SEPTIN14: variants seen among roughly 807,000 people sequenced by gnomAD.
SEPTIN14 encodes the protein septin-14.
In SEPTIN14, 40 loss-of-function variants were observed where a neutral mutation model predicts 53.6. The ratio of observed to expected loss-of-function variants is 0.75; its 90% CI spans 0.58 to 0.97. The LOEUF is 0.97. SEPTIN14 is among the 50% of genes least tolerant of loss of function. The pLI, the probability that SEPTIN14 is intolerant of heterozygous loss-of-function variation, is 0.00. For missense variants in SEPTIN14, 471 were observed against 508.2 expected (o/e 0.93, Z 0.70); for synonymous variants, 138 against 166.8 (o/e 0.83, Z 1.33).
intron 9 of SEPTIN14, chr7:55,798,614 C>T (rs1235124131): frequency 5.8e-5 from 21 of 361,756 alleles, no homozygotes; most frequent in Admixed American, 2.6e-4. Context: ...GGACCACATC[C>T]GGCAGCCCGT....
At chr7:55,798,231 G>C in intron 9 of SEPTIN14, 1 of 359,928 alleles carries the variant, frequency 2.8e-6, no homozygotes, top group Admixed American at 3.8e-5. Flanking sequence ...CTAGACAAAA[G>C]AACCTGCTGA....
intron 3 of SEPTIN14, among the ~76,000 whole-genome samples, chr7:55,846,088 T>TATATATATATATATATATATATATAC (rs1789402574): frequency 7.8e-6 from 1 of 127,804 alleles, no homozygotes; most frequent in Non-Finnish European, 1.7e-5. Flanking sequence ...TATATATATA[T>TATATATATATATATATATATATATAC]ATATGTATAC....
At chr7:55,811,496 C>CTTTTTTTTTT (rs1170803437) in intron 7 of SEPTIN14, 1 of 170,710 alleles carries the variant, frequency 5.9e-6, no homozygotes, top group Non-Finnish European at 1.1e-5. Flanking sequence ...TTTTACAGTT[C>CTTTTTTTTTT]TTTTTTTTTT....
chr7:55,857,665 G>T (rs924627851), intron 2 of SEPTIN14, among the ~76,000 whole-genome samples: 2 of 126,452 alleles, frequency 1.6e-5, no homozygotes, highest in African/African-American at 6.1e-5. Flanking sequence ...TCGGCTCACT[G>T]CAAGCTCCGC....
intron 2 of SEPTIN14, among the ~76,000 whole-genome samples, chr7:55,847,107 C>A (rs1789428793): frequency 6.6e-6 from 1 of 152,018 alleles, no homozygotes; most frequent in Non-Finnish European, 1.5e-5. Flanking sequence ...ACTCAGGAGG[C>A]TGAGGCAGGA....
At chr7:55,832,196 G>A (rs1789119536) in intron 6 of SEPTIN14, among the ~76,000 whole-genome samples, 1 of 120,002 alleles carries the variant, frequency 8.3e-6, no homozygotes, top group Non-Finnish European at 1.7e-5. Context: ...GCGAGACTCT[G>A]TCTCAAACAC....
chr7:55,856,286 T>C (rs1052547333), intron 2 of SEPTIN14, among the ~76,000 whole-genome samples: 1 of 152,184 alleles, frequency 6.6e-6, no homozygotes, highest in Non-Finnish European at 1.5e-5. Flanking sequence ...TTTCTGTTCA[T>C]GTATTAATTA....
chr7:55,835,255 T>A (rs529632458), intron 5 of SEPTIN14, among the ~76,000 whole-genome samples: 1 of 151,892 alleles, frequency 6.6e-6, no homozygotes, highest in South Asian at 2.1e-4. Flanking sequence ...GGCTCTGGAG[T>A]GCAGTAGCGC....
At chr7:55,859,151 C>CAA (rs1216195753) in intron 2 of SEPTIN14, among the ~76,000 whole-genome samples, 2 of 119,130 alleles carry the variant, frequency 1.7e-5, no homozygotes, top group Non-Finnish European at 1.8e-5. Flanking sequence ...AACTCCATCT[C>CAA]AAAAAAAAAA....
intron 7 of SEPTIN14, among the ~76,000 whole-genome samples, chr7:55,812,972 T>C (rs1439795656): frequency 6.6e-6 from 1 of 151,546 alleles, no homozygotes; most frequent in Non-Finnish European, 1.5e-5. Flanking sequence ...TTTTTTTAGA[T>C]GGAGTCTCGC....
chr7:55,826,955 C>T (rs188669884), intron 6 of SEPTIN14, among the ~76,000 whole-genome samples: 1 of 152,300 alleles, frequency 6.6e-6, no homozygotes, highest in Non-Finnish European at 1.5e-5. Context: ...ATTCTTCCTG[C>T]CCCTGCCTAA....
chr7:55,795,872 G>A lies in SEPTIN14; in HGVS notation c.*41C>T, dbSNP rs186958370. ...CAAAGACAATCTCACAGGAAGTTGCGATGTAGAATGATAGGGCTCTCAGAA... is the reference window on the plus strand; with the variant it reads ...CAAAGACAATCTCACAGGAAGTTGCAATGTAGAATGATAGGGCTCTCAGAA... On this transcript the variant is annotated 3_prime_UTR_variant, in exon 10 of 10. Transcript: ENST00000388975. 765 of 1,356,018 alleles carry A rather than the reference G, an allele frequency of 5.6e-4. No homozygotes were observed. Among genetic ancestry groups the A allele is most frequent in the Admixed American group, 9.6e-4 (55 of 57,130 alleles). 84.0% of individuals were successfully genotyped at this position (1,356,018 alleles called of 1,614,324 possible).
intron 5 of SEPTIN14, among the ~76,000 whole-genome samples, chr7:55,842,362 T>G (rs943197981): frequency 1.3e-5 from 2 of 152,006 alleles, no homozygotes; most frequent in Admixed American, 1.3e-4. Flanking sequence ...TCCCAACAAC[T>G]CTGGGAGGGC....
intron 6 of SEPTIN14, among the ~76,000 whole-genome samples, chr7:55,820,085 C>T (rs1246423996): frequency 5.9e-5 from 9 of 151,764 alleles, no homozygotes; most frequent in African/African-American, 2.2e-4. Flanking sequence ...CTGCAACCTC[C>T]ACCTTCCAGG....
chr7:55,836,613 C>CT (rs1162205781), intron 5 of SEPTIN14, among the ~76,000 whole-genome samples: 1 of 152,116 alleles, frequency 6.6e-6, no homozygotes, highest in African/African-American at 2.4e-5. Flanking sequence ...TGGCTCATGC[C>CT]TGTAATCCCA....
chr7:55,843,070 G>A lies in SEPTIN14; in HGVS notation c.430C>T (p.Leu144=). 2 of 1,607,306 alleles carry A rather than the reference G, an allele frequency of 1.2e-6. No individual in the cohort carries two copies. The highest frequency in any genetic ancestry group is 1.7e-6 in the Non-Finnish European group (2 of 1,177,538). Residue 144 remains leucine, a synonymous_variant, in exon 5 of 10, where the codon CTG becomes TTG. Coordinates refer to ENST00000388975, the MANE Select transcript of SEPTIN14 (RefSeq NM_207366.3). The part of the protein sequence containing the change: ...AQFEAYLQEE[L]KIKRSLFEYH... ...TCAAACAAGGAACGTTTAATCTTCAGTTCTTCTTGAAGATAGGCCTCAAAT... is the reference window on the plus strand; with the variant it reads ...TCAAACAAGGAACGTTTAATCTTCAATTCTTCTTGAAGATAGGCCTCAAAT...
At chr7:55,817,119 T>A (rs191955525) in intron 7 of SEPTIN14, among the ~76,000 whole-genome samples, 11 of 152,214 alleles carry the variant, frequency 7.2e-5, no homozygotes, top group Admixed American at 7.2e-4. Flanking sequence ...TAAGTGTCCA[T>A]GAATAGATGC....
intron 8 of SEPTIN14, among the ~76,000 whole-genome samples, chr7:55,806,783 AC>A (rs1179470030): frequency 6.6e-6 from 1 of 152,096 alleles, no homozygotes; most frequent in East Asian, 1.9e-4. Flanking sequence ...TTCACATAAT[AC>A]AGATACATTT....
rs1261607390 is a variant in SEPTIN14 at position 55,835,628 on chromosome 7, C to T, written c.559-1042G>A. Among the ~76,000 whole-genome samples the T allele has an allele frequency of 3.3e-5, 5 of 152,146 alleles. No individual in the cohort carries two copies. The East Asian group carries it at 9.6e-4, about 29-fold the overall frequency. ...TTTTTACATCACTTTTTCCATCAAT[C>T]AATCTTAATTAATGTCCCATTTTCA... On this transcript the variant is annotated intron_variant, in intron 5 of 9. Coordinates refer to ENST00000388975, the MANE Select transcript of SEPTIN14 (RefSeq NM_207366.3).
Sources: allele counts gnomAD v4.1 joint callset (sites outside exome capture counted in the v4.1 genomes callset), GRCh38; gene constraint gnomAD v4.1.1; transcripts MANE v1.5; gene names NCBI Gene and HGNC (gene_info 2026-07-23, HGNC 2026-07-21).